CAP2: variants seen among roughly 807,000 people sequenced by gnomAD.
CAP2 encodes the protein adenylyl cyclase-associated protein 2.
CAP2 carries 24 observed loss-of-function variants against 57.7 expected under a neutral mutation model. The observed-to-expected ratio is 0.42, with a 90% confidence interval of 0.30 to 0.58. The LOEUF (loss-of-function observed/expected upper bound fraction) is 0.58. Among genes scored for constraint, CAP2 ranks in the 20% least tolerant of loss-of-function variants. The probability of loss-of-function intolerance (pLI) is 0.22; values close to 1 mark genes in which losing one functional copy is unlikely to be tolerated. For missense variants in CAP2, 501 were observed against 590.3 expected, an observed-to-expected ratio of 0.85 and a Z score of 1.57; for synonymous variants, 194 against 207.2, an observed-to-expected ratio of 0.94 and a Z score of 0.55.
intron 7 of CAP2, among the ~76,000 whole-genome samples, chr6:17,535,142 T>A (rs1252533392): frequency 6.6e-6 from 1 of 152,152 alleles, no homozygotes; most frequent in Non-Finnish European, 1.5e-5. Context: ...CAAGGGGTTG[T>A]GGAGATAAAA....
intron 4 of CAP2, among the ~76,000 whole-genome samples, chr6:17,506,055 C>T (rs1436303222): frequency 1.3e-5 from 2 of 152,044 alleles, no homozygotes; most frequent in Non-Finnish European, 2.9e-5. Flanking sequence ...CCACCACAGC[C>T]ACTTCATTTT....
At chr6:17,463,816 A>G (rs76770217) in intron 4 of CAP2, among the ~76,000 whole-genome samples, 3,654 of 152,288 alleles carry the variant, frequency 0.024, 159 homozygotes, top group African/African-American at 0.083. Flanking sequence ...ATAAATATGA[A>G]TGAACTTTTC....
At chr6:17,550,072 C>T (rs949317571) in intron 11 of CAP2, among the ~76,000 whole-genome samples, 1 of 152,058 alleles carries the variant, frequency 6.6e-6, no homozygotes, top group Non-Finnish European at 1.5e-5. Context: ...ACTCGTATAG[C>T]AGCTAAAATG....
intron 3 of CAP2, among the ~76,000 whole-genome samples, chr6:17,451,738 G>C (rs1259842113): frequency 8.5e-5 from 13 of 152,088 alleles, no homozygotes; most frequent in Admixed American, 8.5e-4. Context: ...TCAAACTCCT[G>C]ACCGCAGGTG....
chr6:17,430,698 C>A (rs979368863), intron 3 of CAP2, among the ~76,000 whole-genome samples: 1 of 152,120 alleles, frequency 6.6e-6, no homozygotes, highest in African/African-American at 2.4e-5. Context: ...GCCACTACGT[C>A]TGGCTAATTT....
chr6:17,447,003 A>G (rs1760274944), intron 3 of CAP2, among the ~76,000 whole-genome samples: 1 of 152,118 alleles, frequency 6.6e-6, no homozygotes, highest in Non-Finnish European at 1.5e-5. Flanking sequence ...GACCTGGTTC[A>G]TGAATGACCA....
intron 4 of CAP2, among the ~76,000 whole-genome samples, chr6:17,477,182 T>C (rs1025850274): frequency 1.3e-5 from 2 of 152,142 alleles, no homozygotes; most frequent in Non-Finnish European, 2.9e-5. Flanking sequence ...CCTTATTTTC[T>C]TCTTTCTTTC....
intron 3 of CAP2, among the ~76,000 whole-genome samples, chr6:17,426,905 A>G (rs1759605601): frequency 6.6e-6 from 1 of 152,210 alleles, no homozygotes; most frequent in Non-Finnish European, 1.5e-5. Flanking sequence ...TCTGGAAGCT[A>G]GGAGCATGGG....
chr6:17,451,671 A>G (rs927931609), intron 3 of CAP2, among the ~76,000 whole-genome samples: 3 of 152,002 alleles, frequency 2.0e-5, no homozygotes, highest in African/African-American at 7.3e-5. Flanking sequence ...CACCACGCTC[A>G]GCTAATTTTT....
chr6:17,500,159 T>A (rs1040931221), intron 4 of CAP2, among the ~76,000 whole-genome samples: 3 of 150,098 alleles, frequency 2.0e-5, no homozygotes, highest in Non-Finnish European at 3.0e-5. Flanking sequence ...CAGTAAAAAA[T>A]TTTTATTTAA....
intron 11 of CAP2, among the ~76,000 whole-genome samples, chr6:17,547,218 AAAT>A (rs1470741980): frequency 2.0e-5 from 3 of 152,226 alleles, no homozygotes; most frequent in Non-Finnish European, 1.5e-5. Flanking sequence ...TATTAGGAGA[AAAT>A]AACAGTCTTA....
At chr6:17,545,770 C>A (rs1200047650) in intron 11 of CAP2, among the ~76,000 whole-genome samples, 3 of 152,088 alleles carry the variant, frequency 2.0e-5, no homozygotes, top group Admixed American at 1.3e-4. Flanking sequence ...TTGTTCAATA[C>A]CTATGAGTGA....
chr6:17,439,253 C>T (rs1759998929), intron 3 of CAP2, among the ~76,000 whole-genome samples: 1 of 96,302 alleles, frequency 1.0e-5, no homozygotes, highest in Admixed American at 9.6e-5. Context: ...ATGGATCCAA[C>T]TGTTTTTTTT....
intron 4 of CAP2, among the ~76,000 whole-genome samples, chr6:17,502,990 T>C (rs1284027384): frequency 1.3e-5 from 2 of 152,160 alleles, no homozygotes; most frequent in Non-Finnish European, 2.9e-5. Context: ...AGAATGAAGC[T>C]CCAGGGAGGG....
At chr6:17,407,231 T>C (rs975019965) in intron 1 of CAP2, among the ~76,000 whole-genome samples, 2 of 152,172 alleles carry the variant, frequency 1.3e-5, no homozygotes, top group Non-Finnish European at 2.9e-5. Flanking sequence ...TACTTTGGGC[T>C]CCCAGGTTCA....
Position 17,546,200 on chromosome 6 carries a change from A to G in CAP2, c.1209+3057A>G, listed in dbSNP as rs569975497. ...CCTATTTCTCCACATCCTCTCCAGCACCTGTTGTTTCCTGACTTTTTAATG... is the reference window on the plus strand; with the variant it reads ...CCTATTTCTCCACATCCTCTCCAGCGCCTGTTGTTTCCTGACTTTTTAATG... On this transcript the variant is annotated intron_variant, in intron 11 of 12. Transcript: ENST00000229922. 8.5e-5 allele frequency among the ~76,000 whole-genome samples: 13 copies of G among 152,170 alleles called. No homozygotes were observed. The East Asian group carries it at 2.3e-3, about 27-fold the overall frequency.
At chr6:17,427,191 A>T (rs1759615864) in intron 3 of CAP2, among the ~76,000 whole-genome samples, 1 of 152,228 alleles carries the variant, frequency 6.6e-6, no homozygotes, top group South Asian at 2.1e-4. Flanking sequence ...AGCAAGAGCG[A>T]AGGCTCAGAG....
rs1581600476 is a variant in CAP2 at position 17,531,737 on chromosome 6, A to G, written c.637-7532A>G. On this transcript the variant is annotated intron_variant, in intron 7 of 12. Transcript: ENST00000229922. ...TTAAAGTTGGAGATCAATGTCGTCT[A>G]TATACATTCCCCCCATGCTTAAAGC... The G allele has an allele frequency of 6.6e-6, 4 of 605,254 alleles. No homozygotes were observed. The East Asian group carries it at 8.2e-5, about 12-fold the overall frequency. The allele number at this position is 605,254 out of a possible 1,614,324, so 37.5% of individuals were successfully genotyped here. A position where few individuals can be genotyped will look rare whatever the true frequency, so the allele number is the denominator to read the frequency against.
At chr6:17,539,132 AG>A in intron 7 of CAP2, 136 bp from the exon 8 acceptor site, 1 of 724,562 alleles carries the variant, frequency 1.4e-6, no homozygotes, top group Non-Finnish European at 2.3e-6. Context: ...CATGATGCAC[AG>A]GTGTGCCCTC....
Sources: allele counts gnomAD v4.1 joint callset (sites outside exome capture counted in the v4.1 genomes callset), GRCh38; gene constraint gnomAD v4.1.1; transcripts MANE v1.5; gene names NCBI Gene and HGNC (gene_info 2026-07-23, HGNC 2026-07-21).